The following NCOA1 variants were observed in gnomAD, a reference collection of about 807,000 sequenced individuals.
The protein encoded by NCOA1 is Hin-2 protein.
NCOA1 carries 35 observed loss-of-function variants against 150.9 expected under a neutral mutation model. The ratio of observed to expected loss-of-function variants is 0.23; its 90% CI spans 0.18 to 0.31. The LOEUF is 0.31. Ranked by LOEUF, NCOA1 falls within the 10% of genes least tolerant of loss-of-function variation. The pLI is 1.00. For missense variants in NCOA1, 1,491 were observed against 1,749.3 expected, an observed-to-expected ratio of 0.85 and a Z score of 2.63; for synonymous variants, 590 against 630.0, an observed-to-expected ratio of 0.94 and a Z score of 0.95.
At chr2:24,566,770 C>T (rs1221862219) in intron 2 of NCOA1, among the ~76,000 whole-genome samples, 7 of 152,366 alleles carry the variant, frequency 4.6e-5, no homozygotes, top group Admixed American at 3.3e-4. Flanking sequence ...CACCCGTGCT[C>T]GTTGGCACCC....
intron 21 of NCOA1, among the ~76,000 whole-genome samples, chr2:24,758,889 G>A (rs951455744): frequency 1.3e-5 from 2 of 152,020 alleles, no homozygotes; most frequent in African/African-American, 4.8e-5. Flanking sequence ...TTGGGAGGCT[G>A]AGGCATGAGA....
chr2:24,754,136 A>G (rs1261566109), intron 20 of NCOA1, among the ~76,000 whole-genome samples: 1 of 152,006 alleles, frequency 6.6e-6, no homozygotes, highest in Non-Finnish European at 1.5e-5. Flanking sequence ...GTGCACCTTA[A>G]TGCAAGCCAC....
Position 24,706,561 on chromosome 2 carries a change from C to T in NCOA1, c.1098-7C>T, listed in dbSNP as rs1204274078. Reference sequence around the variant, plus strand: ...ATGTTTGAATAATAATGTCTTTTTCCCCCTAGGGAGCACAGTGGGCTTTCT... The same window carrying T: ...ATGTTTGAATAATAATGTCTTTTTCTCCCTAGGGAGCACAGTGGGCTTTCT... On this transcript the variant is annotated splice_polypyrimidine_tract_variant and splice_region_variant and intron_variant, in intron 12 of 22. Transcript: ENST00000348332. The T allele has an allele frequency of 6.3e-7, 1 of 1,589,942 alleles. No homozygotes were observed. Among genetic ancestry groups the T allele is most frequent in the African/African-American group, 1.4e-5 (1 of 73,750 alleles).
At chr2:24,592,290 G>A (rs1207238680) in intron 3 of NCOA1, among the ~76,000 whole-genome samples, 1 of 152,114 alleles carries the variant, frequency 6.6e-6, no homozygotes, top group Non-Finnish European at 1.5e-5. Flanking sequence ...GTAAGCTTCT[G>A]TGTAAAGCAA....
chr2:24,649,064 C>G (rs536273855), intron 4 of NCOA1, among the ~76,000 whole-genome samples: 15 of 152,000 alleles, frequency 9.9e-5, no homozygotes, highest in African/African-American at 3.4e-4. Context: ...AAGAGGCAGA[C>G]ATTTAAAATT....
intron 2 of NCOA1, among the ~76,000 whole-genome samples, chr2:24,565,887 C>T (rs1050105276): frequency 6.6e-6 from 1 of 152,150 alleles, no homozygotes; most frequent in Non-Finnish European, 1.5e-5. Context: ...CTGGCTGGCA[C>T]CAGGGAATGC....
At chr2:24,563,881 T>C (rs1001258182) in intron 1 of NCOA1, among the ~76,000 whole-genome samples, 1 of 152,172 alleles carries the variant, frequency 6.6e-6, no homozygotes, top group African/African-American at 2.4e-5. Flanking sequence ...ATAGCCATGA[T>C]ATCAGGTGCT....
intron 3 of NCOA1, among the ~76,000 whole-genome samples, chr2:24,631,941 T>C (rs948439489): frequency 3.9e-5 from 6 of 152,216 alleles, no homozygotes; most frequent in Non-Finnish European, 5.9e-5. Context: ...ATTAAGGTGA[T>C]AATATATACA....
At chr2:24,540,066 C>G (rs1369589273) in intron 1 of NCOA1, among the ~76,000 whole-genome samples, 4 of 152,116 alleles carry the variant, frequency 2.6e-5, no homozygotes, top group African/African-American at 9.7e-5. Flanking sequence ...TCCTTCTCTC[C>G]CACTGAAAGC....
chr2:24,662,989 C>T (rs1335689172), intron 5 of NCOA1, among the ~76,000 whole-genome samples: 3 of 147,776 alleles, frequency 2.0e-5, no homozygotes, highest in Non-Finnish European at 4.5e-5. Context: ...GAGACAGGGT[C>T]TTGTTGTGTT....
intron 3 of NCOA1, among the ~76,000 whole-genome samples, chr2:24,623,091 C>T (rs376147236): frequency 6.6e-6 from 1 of 152,150 alleles, no homozygotes; most frequent in Non-Finnish European, 1.5e-5. Flanking sequence ...AAGCGGAGGA[C>T]AACCAGTATA....
intron 2 of NCOA1, among the ~76,000 whole-genome samples, chr2:24,583,900 G>A (rs925440083): frequency 1.3e-5 from 2 of 152,126 alleles, no homozygotes; most frequent in African/African-American, 4.8e-5. Context: ...AAGGATAATC[G>A]GGAGGCAGGT....
chr2:24,517,575 C>G (rs1430996077), intron 1 of NCOA1, among the ~76,000 whole-genome samples: 1 of 152,162 alleles, frequency 6.6e-6, no homozygotes, highest in Admixed American at 6.5e-5. Context: ...ATTTACCTAG[C>G]AAGCGTGTCT....
intron 10 of NCOA1, among the ~76,000 whole-genome samples, chr2:24,695,426 A>G (rs1672854229): frequency 6.6e-6 from 1 of 152,130 alleles, no homozygotes; most frequent in Non-Finnish European, 1.5e-5. Flanking sequence ...CCTTTCTTGT[A>G]TTACATTACT....
chr2:24,556,246 G>T (rs1666066240), intron 1 of NCOA1, among the ~76,000 whole-genome samples: 1 of 152,212 alleles, frequency 6.6e-6, no homozygotes, highest in African/African-American at 2.4e-5. Flanking sequence ...AGAACATGCG[G>T]TGTTTGGTTT....
chr2:24,718,737 A>AC, intron 14 of NCOA1, among the ~76,000 whole-genome samples: 1 of 151,512 alleles, frequency 6.6e-6, no homozygotes, highest in Middle Eastern at 3.4e-3. Flanking sequence ...AAAAAAAAAA[A>AC]AACAAATCAG....
At chr2:24,657,976 G>T (rs143856003) in intron 4 of NCOA1, among the ~76,000 whole-genome samples, 36 of 152,316 alleles carry the variant, frequency 2.4e-4, no homozygotes, top group Non-Finnish European at 4.3e-4. Context: ...GGATCTTTAA[G>T]TGCAGTTGCT....
intron 3 of NCOA1, among the ~76,000 whole-genome samples, chr2:24,613,127 A>G (rs1668704986): frequency 6.6e-6 from 1 of 150,928 alleles, no homozygotes; most frequent in Non-Finnish European, 1.5e-5. Context: ...CCTAGGGGAT[A>G]TGATTGTAGA....
intron 14 of NCOA1, among the ~76,000 whole-genome samples, chr2:24,718,611 C>T (rs1674177717): frequency 1.3e-5 from 2 of 151,312 alleles, no homozygotes; most frequent in African/African-American, 4.9e-5. Context: ...GCAGGCAGAT[C>T]ACTTGAGGTC....
Sources: gnomAD v4.1 joint callset for allele counts (sites outside exome capture counted in the v4.1 genomes callset) on GRCh38, gnomAD v4.1.1 for gene constraint, MANE v1.5 for transcripts, NCBI Gene and HGNC (gene_info 2026-07-23, HGNC 2026-07-21) for gene names.